IPCEF1: variants seen among roughly 807,000 people sequenced by gnomAD.
IPCEF1 encodes interactor protein for cytohesin exchange factors 1.
IPCEF1 carries 31 observed loss-of-function variants against 50.9 expected under a neutral mutation model. The observed-to-expected ratio is 0.61, with a 90% CI of 0.46 to 0.82. The LOEUF (loss-of-function observed/expected upper bound fraction) is 0.82, where lower values mean the gene tolerates loss of function less well. IPCEF1 is among the 40% of genes least tolerant of loss of function. IPCEF1 has a pLI of 0.00. For synonymous variants in IPCEF1, 181 were observed against 192.0 expected (o/e 0.94, Z 0.47); for missense variants, 458 against 514.0 (o/e 0.89, Z 1.05).
At chr6:154,271,358 A>G (rs928840614) in intron 2 of IPCEF1, among the ~76,000 whole-genome samples, 2 of 152,078 alleles carry the variant, frequency 1.3e-5, no homozygotes, top group African/African-American at 4.8e-5. Flanking sequence ...CTGTCTCTTA[A>G]AGAAAAAAAA....
At chr6:154,307,885 C>CAA (rs1782976853) in intron 1 of IPCEF1, among the ~76,000 whole-genome samples, 1 of 152,186 alleles carries the variant, frequency 6.6e-6, no homozygotes, top group Non-Finnish European at 1.5e-5. Context: ...GCTGCCCTTT[C>CAA]CAACTTGGCA....
chr6:154,203,033 C>T (rs116013261), intron 9 of IPCEF1, among the ~76,000 whole-genome samples: 1 of 152,120 alleles, frequency 6.6e-6, no homozygotes, highest in South Asian at 2.1e-4. Context: ...TATGAAAACA[C>T]GCTTTATAGA....
At chr6:154,349,490 G>A (rs1784088209) in intron 1 of IPCEF1, among the ~76,000 whole-genome samples, 1 of 151,832 alleles carries the variant, frequency 6.6e-6, no homozygotes, top group Non-Finnish European at 1.5e-5. Flanking sequence ...GCCTCCCAAA[G>A]TGCTGGGTCA....
intron 1 of IPCEF1, among the ~76,000 whole-genome samples, chr6:154,308,974 A>C (rs749299000): frequency 6.6e-6 from 1 of 152,258 alleles, no homozygotes; most frequent in Non-Finnish European, 1.5e-5. Flanking sequence ...AAGTGTAAAC[A>C]TCTACATTTG....
intron 5 of IPCEF1, among the ~76,000 whole-genome samples, chr6:154,225,508 T>C (rs903996642): frequency 6.6e-6 from 1 of 152,230 alleles, no homozygotes; most frequent in Non-Finnish European, 1.5e-5. Flanking sequence ...ATCTCTCGTA[T>C]GATTCAATTT....
At chr6:154,329,786 C>T (rs575407930) in intron 1 of IPCEF1, among the ~76,000 whole-genome samples, 3 of 152,016 alleles carry the variant, frequency 2.0e-5, no homozygotes, top group Non-Finnish European at 4.4e-5. Flanking sequence ...AGCTTAGTGG[C>T]GAATTCACAT....
intron 5 of IPCEF1, among the ~76,000 whole-genome samples, chr6:154,223,909 AAATT>A (rs1183198749): frequency 1.3e-5 from 2 of 152,266 alleles, no homozygotes; most frequent in Non-Finnish European, 2.9e-5. Context: ...CTGCATAAGA[AAATT>A]ATATTTATGA....
At chr6:154,258,166 G>A (rs1468333835) in intron 3 of IPCEF1, among the ~76,000 whole-genome samples, 5 of 152,160 alleles carry the variant, frequency 3.3e-5, no homozygotes, top group Non-Finnish European at 5.9e-5. Context: ...TCAGAAGGTG[G>A]TTAGTTCTAA....
chr6:154,350,652 T>C (rs781694727), intron 1 of IPCEF1, among the ~76,000 whole-genome samples: 1 of 152,274 alleles, frequency 6.6e-6, no homozygotes, highest in African/African-American at 2.4e-5. Flanking sequence ...CATTGGTTTA[T>C]AATATTTTTG....
At chr6:154,236,186 C>T (rs757377313) in intron 5 of IPCEF1, among the ~76,000 whole-genome samples, 11 of 152,138 alleles carry the variant, frequency 7.2e-5, no homozygotes, top group Non-Finnish European at 1.3e-4. Flanking sequence ...AAATGTGGTA[C>T]ACACATCAAG....
chr6:154,347,292 C>T lies in IPCEF1; in HGVS notation c.-62+9380G>A, dbSNP rs117985445. Among the ~76,000 whole-genome samples the T allele has an allele frequency of 5.3e-5, 8 of 152,314 alleles. No individual in the cohort carries two copies. In the East Asian group the frequency reaches 1.5e-3, roughly 29 times the overall value. ...GACGCTCAGGTCAAATAAGCCTAGGCTCAAATTCTGACCCCAGAGTCAAAC... is the reference window on the plus strand; with the variant it reads ...GACGCTCAGGTCAAATAAGCCTAGGTTCAAATTCTGACCCCAGAGTCAAAC... On this transcript the variant is annotated intron_variant, in intron 1 of 11. Coordinates refer to ENST00000367220, the MANE Select transcript of IPCEF1 (RefSeq NM_001130700.2).
chr6:154,282,404 A>C (rs56097929), intron 2 of IPCEF1, among the ~76,000 whole-genome samples: 5,105 of 152,144 alleles, frequency 0.034, 241 homozygotes, highest in East Asian at 0.21. Flanking sequence ...TGGATCAGGC[A>C]GGGCGCGGTG....
intron 1 of IPCEF1, among the ~76,000 whole-genome samples, chr6:154,353,534 G>A (rs1408742647): frequency 3.9e-5 from 6 of 152,142 alleles, no homozygotes; most frequent in African/African-American, 9.7e-5. Context: ...TGATCCGCCC[G>A]CCTTGGCCTC....
chr6:154,181,996 G>A (rs891662306), intron 10 of IPCEF1, among the ~76,000 whole-genome samples: 2 of 152,040 alleles, frequency 1.3e-5, no homozygotes, highest in African/African-American at 2.4e-5. Flanking sequence ...TTAAAAGATG[G>A]CAGGTTTGTA....
At chr6:154,180,933 T>C (rs1800817024) in intron 10 of IPCEF1, among the ~76,000 whole-genome samples, 1 of 152,104 alleles carries the variant, frequency 6.6e-6, no homozygotes, top group African/African-American at 2.4e-5. Flanking sequence ...ATGTTCTAAG[T>C]GCCTGAGAAA....
chr6:154,331,757 T>C (rs1336825717), intron 1 of IPCEF1, among the ~76,000 whole-genome samples: 4 of 152,066 alleles, frequency 2.6e-5, no homozygotes, highest in Non-Finnish European at 4.4e-5. Context: ...CAAATGAGCA[T>C]TCATACAGCT....
intron 5 of IPCEF1, among the ~76,000 whole-genome samples, chr6:154,236,917 T>C (rs980589737): frequency 6.6e-6 from 1 of 152,218 alleles, no homozygotes; most frequent in Non-Finnish European, 1.5e-5. Context: ...TCCTTGCATC[T>C]TTTTTAAAGA....
rs115403447 is a variant in IPCEF1, at chr6:154,264,837, T to A, written c.36+1075A>T. Among the ~76,000 whole-genome samples the A allele has an allele frequency of 2.9e-3, 437 of 152,256 alleles. 1 individual carries two copies. The highest frequency in any genetic ancestry group is 0.01 in the African/African-American group (421 of 41,522). On this transcript the variant is annotated intron_variant, in intron 3 of 11. Transcript: ENST00000367220. ...AAGGATGTTTCAGCCGCCCTGCATG[T>A]TACTAAGGTGTCCCTTTCAGGAGCT...
rs1354117715 is a variant in IPCEF1 at position 154,222,368 on chromosome 6, C to CACCAGTTA, written c.320+801_320+802insTAACTGGT. On this transcript the variant is annotated intron_variant, in intron 6 of 11. Coordinates refer to ENST00000367220, the MANE Select transcript of IPCEF1 (RefSeq NM_001130700.2). ...CTTAAAGCTAACACCAGTTTACTAA[C>CACCAGTTA]CTTGTTAAAAGAAAACTACTCAATT... Among the ~76,000 whole-genome samples the CACCAGTTA allele has an allele frequency of 3.9e-5, 6 of 152,178 alleles. No homozygotes were observed. In the South Asian group the frequency reaches 6.2e-4, roughly 16 times the overall value.
Sources: gnomAD v4.1 joint callset for allele counts (sites outside exome capture counted in the v4.1 genomes callset) on GRCh38, gnomAD v4.1.1 for gene constraint, MANE v1.5 for transcripts, NCBI Gene and HGNC (gene_info 2026-07-23, HGNC 2026-07-21) for gene names.